ZSCAN5A: variants seen among roughly 807,000 people sequenced by gnomAD.
ZSCAN5A encodes the protein zinc finger and SCAN domain containing 5A, also known as zinc finger and SCAN domain-containing protein 5A.
ZSCAN5A carries 12 observed loss-of-function variants against 23.7 expected under a neutral mutation model. That is an observed-to-expected ratio of 0.51 (90% CI 0.32 to 0.82). ZSCAN5A has a LOEUF of 0.82. Ranked by LOEUF, ZSCAN5A falls within the 40% of genes least tolerant of loss-of-function variation. The probability of loss-of-function intolerance (pLI) is 0.03; values close to 1 mark genes in which losing one functional copy is unlikely to be tolerated. For missense variants in ZSCAN5A, 597 were observed against 617.9 expected (o/e 0.97, Z 0.36); for synonymous variants, 257 against 239.9 (o/e 1.07, Z -0.66).
intron 2 of ZSCAN5A, among the ~76,000 whole-genome samples, chr19:56,231,256 ATAAG>A (rs2034438367): frequency 6.6e-6 from 1 of 152,204 alleles, no homozygotes; most frequent in Non-Finnish European, 1.5e-5. Flanking sequence ...TACAAAAAAG[ATAAG>A]TATGCAAGTC....
At chr19:56,262,417 T>G (rs536672000) in intron 2 of ZSCAN5A, among the ~76,000 whole-genome samples, 2 of 151,864 alleles carry the variant, frequency 1.3e-5, no homozygotes, top group East Asian at 3.9e-4. Context: ...TAATTTTTTT[T>G]TTTTTGTTTT....
chr19:56,312,722 T>C (rs1477611012), intron 2 of ZSCAN5A, among the ~76,000 whole-genome samples: 4 of 152,254 alleles, frequency 2.6e-5, no homozygotes, highest in Admixed American at 6.5e-5. Context: ...TACTGTATCA[T>C]TGCAACTTTT....
intron 2 of ZSCAN5A, among the ~76,000 whole-genome samples, chr19:56,248,403 A>ACACAC (rs2036107062): frequency 1.3e-5 from 2 of 152,052 alleles, no homozygotes; most frequent in East Asian, 3.9e-4. Flanking sequence ...TGGGACTAGA[A>ACACAC]CACACCACAC....
chr19:56,250,658 T>G (rs1482526338), intron 2 of ZSCAN5A, among the ~76,000 whole-genome samples: 2 of 152,198 alleles, frequency 1.3e-5, no homozygotes, highest in African/African-American at 2.4e-5. Flanking sequence ...ATTTGAAATA[T>G]TCAATCCTTC....
intron 2 of ZSCAN5A, among the ~76,000 whole-genome samples, chr19:56,309,838 C>A (rs1446559314): frequency 6.6e-6 from 1 of 152,172 alleles, no homozygotes; most frequent in African/African-American, 2.4e-5. Context: ...TCTAGAAGAG[C>A]CCTGCTCTGA....
Position 56,238,155 on chromosome 19 carries a change from C to T in ZSCAN5A, c.-127-12982G>A, listed in dbSNP as rs374341061. Among the ~76,000 whole-genome samples, 553 of 130,792 alleles carry T rather than the reference C, an allele frequency of 4.2e-3. 5 individuals are homozygous for T. Among genetic ancestry groups the T allele is most frequent in the African/African-American group, 0.014 (509 of 37,148 alleles). 85.8% of individuals were successfully genotyped at this position (130,792 alleles called of 152,430 possible). ...ACACACACATGGACATACACACATA[C>T]GCACACATACACACACACACGTCAA... On this transcript the variant is annotated intron_variant, in intron 2 of 5. Coordinates refer to ENST00000683990, the MANE Select transcript of ZSCAN5A (RefSeq NM_001322064.3).
chr19:56,265,373 C>G (rs2146900207), intron 2 of ZSCAN5A, among the ~76,000 whole-genome samples: 1 of 148,116 alleles, frequency 6.8e-6, no homozygotes, highest in South Asian at 2.2e-4. Flanking sequence ...TGCACCTATA[C>G]TCTATGTAAG....
In ZSCAN5A at chr19:56,225,060, T is replaced by C; in HGVS notation, c.-14A>G. On this transcript the variant is annotated 5_prime_UTR_variant, in exon 3 of 6. Transcript: ENST00000683990. ...ATTTGCAGCCATATCTAGTGGAGAA[T>C]TTTTTAATCAGTCTCTGAGAAAGCT... 6.4e-7 allele frequency: 1 copy of C among 1,568,032 alleles called. No homozygotes were observed. The highest frequency in any genetic ancestry group is 8.6e-7 in the Non-Finnish European group (1 of 1,156,792).
chr19:56,245,108 G>C (rs1190296877), intron 2 of ZSCAN5A: 1 of 325,220 alleles, frequency 3.1e-6, no homozygotes, highest in African/African-American at 2.9e-5. Flanking sequence ...TCTGCATTGG[G>C]AAGGCAGATT....
chr19:56,359,710 C>T (rs1325403624), intron 2 of ZSCAN5A, among the ~76,000 whole-genome samples: 1 of 152,198 alleles, frequency 6.6e-6, no homozygotes. Context: ...TCCAGCAGCA[C>T]ATCAAAAAGC....
intron 2 of ZSCAN5A, among the ~76,000 whole-genome samples, chr19:56,337,987 A>G (rs1230710807): frequency 6.6e-6 from 1 of 152,196 alleles, no homozygotes; most frequent in Non-Finnish European, 1.5e-5. Context: ...TCTTTTTTAA[A>G]ACTGAAGACT....
chr19:56,306,007 G>A (rs1013643867), intron 2 of ZSCAN5A, among the ~76,000 whole-genome samples: 7 of 152,182 alleles, frequency 4.6e-5, no homozygotes, highest in Non-Finnish European at 1.0e-4. Context: ...CACTATGGGA[G>A]GAGTGTGGGT....
chr19:56,234,293 G>A lies in ZSCAN5A; in HGVS notation c.-127-9120C>T, dbSNP rs184634417. Among the ~76,000 whole-genome samples, 359 of 152,294 alleles carry A rather than the reference G, an allele frequency of 2.4e-3. 2 individuals carry two copies. The highest frequency in any genetic ancestry group is 3.4e-3 in the Non-Finnish European group (231 of 68,018). ...GAGTACAGAATTCCTGGGCTCCCCGGTTCAGGTCATAAAAAGAAAAGAGAA... is the reference window on the plus strand; with the variant it reads ...GAGTACAGAATTCCTGGGCTCCCCGATTCAGGTCATAAAAAGAAAAGAGAA... On this transcript the variant is annotated intron_variant, in intron 2 of 5. Coordinates refer to ENST00000683990, the MANE Select transcript of ZSCAN5A (RefSeq NM_001322064.3).
intron 2 of ZSCAN5A, among the ~76,000 whole-genome samples, chr19:56,237,740 C>T (rs1433077653): frequency 2.0e-5 from 3 of 151,412 alleles, no homozygotes; most frequent in Non-Finnish European, 4.4e-5. Flanking sequence ...GGCAACATGG[C>T]GAAACCCCGT....
chr19:56,247,129 G>T, intron 2 of ZSCAN5A: 1 of 676,522 alleles, frequency 1.5e-6, no homozygotes, highest in South Asian at 1.7e-5. Flanking sequence ...ATCACACACA[G>T]GAGAGAGACC....
chr19:56,349,635 G>GT (rs199869046), intron 2 of ZSCAN5A, among the ~76,000 whole-genome samples: 8,697 of 149,494 alleles, frequency 0.058, 257 homozygotes, highest in Middle Eastern at 0.16. Flanking sequence ...AACCCGGGAG[G>GT]TGGAGGTTGC....
intron 2 of ZSCAN5A, chr19:56,273,020 A>C: frequency 2.9e-6 from 1 of 339,024 alleles, no homozygotes; most frequent in South Asian, 1.2e-4. Context: ...AGTCTAACAG[A>C]CTTCTTCTTG....
chr19:56,320,678 C>G (rs2041366422), intron 2 of ZSCAN5A: 1 of 783,766 alleles, frequency 1.3e-6, no homozygotes, highest in African/African-American at 1.7e-5. Flanking sequence ...CACGGTGGTG[C>G]AGGAATACTC....
chr19:56,333,443 G>C (rs188567005), intron 2 of ZSCAN5A, among the ~76,000 whole-genome samples: 222 of 151,068 alleles, frequency 1.5e-3, no homozygotes, highest in African/African-American at 5.1e-3. Context: ...TATTGATAAA[G>C]CTTTTAATTG....
Sources: allele counts gnomAD v4.1 joint callset (sites outside exome capture counted in the v4.1 genomes callset), GRCh38; gene constraint gnomAD v4.1.1; transcripts MANE v1.5; gene names NCBI Gene and HGNC (gene_info 2026-07-23, HGNC 2026-07-21).